Variants in SAFB observed in about 807,000 individuals in gnomAD.
SAFB encodes the protein scaffold attachment factor B, also known as scaffold attachment factor B1.
A neutral mutation model predicts 101.6 loss-of-function variants in SAFB; 15 were observed. That is an observed-to-expected ratio of 0.15 (90% CI 0.10 to 0.23). The LOEUF is 0.23. Among genes scored for constraint, SAFB ranks in the 10% least tolerant of loss-of-function variants. The pLI, the probability that SAFB is intolerant of heterozygous loss-of-function variation, is 1.00. For synonymous variants in SAFB, 449 were observed against 407.5 expected, an observed-to-expected ratio of 1.10 and a Z score of -1.23; for missense variants, 930 against 1,104.1, an observed-to-expected ratio of 0.84 and a Z score of 2.23.
At chr19:5,651,476 T>C (rs1267848935) in intron 9 of SAFB, among the ~76,000 whole-genome samples, 1 of 152,212 alleles carries the variant, frequency 6.6e-6, no homozygotes, top group African/African-American at 2.4e-5. Flanking sequence ...TGGAGTCTGA[T>C]GATAGGGGTC....
chr19:5,641,853 T>C lies in SAFB; in HGVS notation c.453T>C (p.Asp151=), dbSNP rs1457105300. 1.2e-6 allele frequency: 2 copies of C among 1,614,042 alleles called. No homozygotes were observed. Among genetic ancestry groups the C allele is most frequent in the Non-Finnish European group, 8.5e-7 (1 of 1,180,020 alleles). ...GCGTTGCAGATTGTGTCGAAGACGATGATGCTGATAACCTCCAGGAGTCCC... is the reference window on the plus strand; with the variant it reads ...GCGTTGCAGATTGTGTCGAAGACGACGATGCTGATAACCTCCAGGAGTCCC... ...NGSVADCVED[D]DADNLQESLS... Residue 151 remains aspartate, a synonymous_variant, in exon 4 of 21, where the codon GAT becomes GAC. Coordinates refer to ENST00000588852, the MANE Select transcript of SAFB (RefSeq NM_001201338.2).
rs373690454 is a variant in SAFB, at chr19:5,653,275, G to A, written c.1443+11G>A. On this transcript the variant is annotated intron_variant, in intron 10 of 20. Coordinates refer to ENST00000588852, the MANE Select transcript of SAFB (RefSeq NM_001201338.2). Reference sequence around the variant, plus strand: ...ATCTCCGTGGAGAAAGTGAGTGGCCGTTTTCTTCCCAGGATATAGCCCACA... The same window carrying A: ...ATCTCCGTGGAGAAAGTGAGTGGCCATTTTCTTCCCAGGATATAGCCCACA... 2.9e-5 allele frequency: 47 copies of A among 1,614,014 alleles called. No individual in the cohort carries two copies. In the African/African-American group the frequency reaches 3.1e-4, roughly 11 times the overall value.
At chr19:5,646,869 C>T (rs761186606) in intron 5 of SAFB, among the ~76,000 whole-genome samples, 7 of 152,314 alleles carry the variant, frequency 4.6e-5, no homozygotes, top group African/African-American at 7.2e-5. Context: ...TGCAGACTCA[C>T]ACTCATACAC....
rs60011056 is a variant in SAFB at position 5,660,704 on chromosome 19, CAAA to C, written c.1863-792_1863-790del. Among the ~76,000 whole-genome samples, 528 of 76,574 alleles carry C rather than the reference CAAA, an allele frequency of 6.9e-3. 3 individuals are homozygous for C. The highest frequency in any genetic ancestry group is 0.036 in the East Asian group (79 of 2,208). 50.2% of individuals were successfully genotyped at this position (76,574 alleles called of 152,430 possible). A position where few individuals can be genotyped will look rare whatever the true frequency, so the allele number is the denominator to read the frequency against. On this transcript the variant is annotated intron_variant, in intron 14 of 20. Transcript: ENST00000588852. ...GAACAGCCTGGGCAACCATCTCTAC[CAAA>C]AAAAAAAAAAAAAAAAAAAAAGACA... is the stretch of plus-strand genomic sequence containing the variant.
chr19:5,637,551 G>A lies in SAFB; in HGVS notation c.275-4043G>A, dbSNP rs191300281. ...CGTGCCTGTAGTTCCAGCTACTCGG[G>A]AGACTGAGGTGGGAGGATCCCTTGA... is the stretch of plus-strand genomic sequence containing the variant. On this transcript the variant is annotated intron_variant, in intron 2 of 20. Transcript: ENST00000588852. 2.3e-3 allele frequency among the ~76,000 whole-genome samples: 346 copies of A among 152,004 alleles called. 2 individuals are homozygous for A. Among genetic ancestry groups the A allele is most frequent in the Non-Finnish European group, 3.4e-3 (234 of 67,962 alleles).
At chr19:5,651,675 G>A (rs771995013) in intron 9 of SAFB, among the ~76,000 whole-genome samples, 9 of 152,112 alleles carry the variant, frequency 5.9e-5, no homozygotes, top group Non-Finnish European at 1.2e-4. Context: ...CAGCGCAGCC[G>A]CCTGGCCCTC....
chr19:5,663,193 C>T (rs1315231301), intron 15 of SAFB, among the ~76,000 whole-genome samples: 1 of 149,430 alleles, frequency 6.7e-6, no homozygotes, highest in Non-Finnish European at 1.5e-5. Flanking sequence ...TAGTAGATAC[C>T]GGGTTTCACC....
chr19:5,624,837 T>C (rs912217490), intron 1 of SAFB, among the ~76,000 whole-genome samples: 9 of 152,190 alleles, frequency 5.9e-5, no homozygotes, highest in Admixed American at 5.9e-4. Context: ...GGAAGCCCAC[T>C]GATCTACATA....
chr19:5,656,310 G>C (rs558567557), intron 13 of SAFB, among the ~76,000 whole-genome samples: 1 of 151,644 alleles, frequency 6.6e-6, no homozygotes, highest in South Asian at 2.1e-4. Context: ...CTGACTCTGT[G>C]GCCCAGGCTG....
intron 2 of SAFB, among the ~76,000 whole-genome samples, chr19:5,639,117 A>T (rs1298856531): frequency 6.6e-6 from 1 of 152,222 alleles, no homozygotes; most frequent in Admixed American, 6.5e-5. Flanking sequence ...GAAACAAGTA[A>T]TCCCAGACAT....
At chr19:5,658,249 C>G (rs934492935) in intron 14 of SAFB, among the ~76,000 whole-genome samples, 9 of 151,862 alleles carry the variant, frequency 5.9e-5, no homozygotes, top group Non-Finnish European at 2.9e-5. Flanking sequence ...CTGCCTGCCT[C>G]GGCCTCCCAA....
Position 5,640,358 on chromosome 19 carries a change from C to CTTTT in SAFB, c.275-1216_275-1213dup, listed in dbSNP as rs34358887. On this transcript the variant is annotated intron_variant, in intron 2 of 20. Coordinates refer to ENST00000588852, the MANE Select transcript of SAFB (RefSeq NM_001201338.2). ...TTAACAGAGATTCAAGAAAGATTGG[C>CTTTT]TTTTTTTTTTTTTTTTTTTTTTTCT... Among the ~76,000 whole-genome samples, 50 of 91,556 alleles carry CTTTT rather than the reference C, an allele frequency of 5.5e-4. 1 individual carries two copies. The highest frequency in any genetic ancestry group is 7.2e-4 in the Non-Finnish European group (35 of 48,834). 60.1% of individuals were successfully genotyped at this position (91,556 alleles called of 152,430 possible). A position where few individuals can be genotyped will look rare whatever the true frequency, so the allele number is the denominator to read the frequency against.
At chr19:5,646,283 G>A (rs2053827025) in intron 5 of SAFB, among the ~76,000 whole-genome samples, 1 of 152,166 alleles carries the variant, frequency 6.6e-6, no homozygotes, top group Non-Finnish European at 1.5e-5. Flanking sequence ...AAGGGCAAGG[G>A]AGATACTGGA....
intron 11 of SAFB, among the ~76,000 whole-genome samples, chr19:5,653,725 A>C (rs4807805): frequency 0.017 from 2,557 of 151,532 alleles, 42 homozygotes; most frequent in East Asian, 0.027. Flanking sequence ...GGCCTCCCAA[A>C]GTGCTCGGAT....
chr19:5,646,949 T>A (rs2053839416), intron 5 of SAFB, among the ~76,000 whole-genome samples: 1 of 152,246 alleles, frequency 6.6e-6, no homozygotes, highest in African/African-American at 2.4e-5. Context: ...TCAGTCTGTC[T>A]GGTCACAGTC....
intron 1 of SAFB, among the ~76,000 whole-genome samples, chr19:5,624,686 G>A (rs1429604965): frequency 7.2e-6 from 1 of 139,562 alleles, no homozygotes; most frequent in African/African-American, 2.8e-5. Flanking sequence ...AAGAAGTAGG[G>A]ATTTTTTTTT....
At chr19:5,625,530 A>C (rs1318040496) in intron 1 of SAFB, among the ~76,000 whole-genome samples, 1 of 152,242 alleles carries the variant, frequency 6.6e-6, no homozygotes, top group East Asian at 1.9e-4. Context: ...ATAGTACATG[A>C]AATGATGTAA....
intron 15 of SAFB, among the ~76,000 whole-genome samples, chr19:5,663,164 G>A (rs966601261): frequency 2.4e-4 from 37 of 151,308 alleles, no homozygotes; most frequent in African/African-American, 8.7e-4. Context: ...TACCACACCC[G>A]GCTAATTTTT....
Position 5,649,980 on chromosome 19 carries a change from G to A in SAFB, c.1198+5G>A, listed in dbSNP as rs1018026974. 6.2e-7 allele frequency: 1 copy of A among 1,612,838 alleles called. No individual in the cohort carries two copies. Among genetic ancestry groups the A allele is most frequent in the Non-Finnish European group, 8.5e-7 (1 of 1,178,842 alleles). Reference sequence around the variant, plus strand: ...GGCTTTCCAAAGAGGAAAAGGGTAGGTCACCTCGGCGACACCAGTCCCTTG... The same window carrying A: ...GGCTTTCCAAAGAGGAAAAGGGTAGATCACCTCGGCGACACCAGTCCCTTG... On this transcript the variant is annotated splice_donor_5th_base_variant and intron_variant, in intron 8 of 20. Coordinates refer to ENST00000588852, the MANE Select transcript of SAFB (RefSeq NM_001201338.2).
Sources: gnomAD v4.1 joint callset for allele counts (sites outside exome capture counted in the v4.1 genomes callset) on GRCh38, gnomAD v4.1.1 for gene constraint, MANE v1.5 for transcripts, NCBI Gene and HGNC (gene_info 2026-07-23, HGNC 2026-07-21) for gene names.